Variants in PRR16 observed in about 807,000 individuals in gnomAD.
PRR16 encodes protein Largen.
A neutral mutation model predicts 18.2 loss-of-function variants in PRR16; 6 were observed. The observed-to-expected ratio is 0.33, with a 90% CI of 0.18 to 0.65. The LOEUF (loss-of-function observed/expected upper bound fraction) is 0.65, where lower values mean the gene tolerates loss of function less well. PRR16 is among the 30% of genes least tolerant of loss of function. PRR16 has a pLI of 0.74. For missense variants in PRR16, 412 were observed against 376.6 expected (o/e 1.09, Z -0.78); for synonymous variants, 151 against 147.8 (o/e 1.02, Z -0.16).
At chr5:120,644,940 A>G (rs542584979) in intron 1 of PRR16, among the ~76,000 whole-genome samples, 1 of 152,256 alleles carries the variant, frequency 6.6e-6, no homozygotes, top group East Asian at 1.9e-4. Flanking sequence ...CATCTCTGCA[A>G]CTAATTCGTC....
intron 1 of PRR16, among the ~76,000 whole-genome samples, chr5:120,603,412 C>A (rs979945260): frequency 2.6e-5 from 4 of 152,114 alleles, no homozygotes; most frequent in Non-Finnish European, 5.9e-5. Context: ...TTAATGTCAC[C>A]TTTGCCATTT....
chr5:120,661,709 C>T (rs1179296939), intron 1 of PRR16, among the ~76,000 whole-genome samples: 1 of 151,998 alleles, frequency 6.6e-6, no homozygotes, highest in Non-Finnish European at 1.5e-5. Flanking sequence ...CCTCTGCCAG[C>T]TGCTATATGG....
At chr5:120,768,748 G>C in the PRR16 span, among the ~76,000 whole-genome samples, 1 of 151,702 alleles carries the variant, frequency 6.6e-6, no homozygotes, top group African/African-American at 2.4e-5. Flanking sequence ...TTTGAAAGGA[G>C]CACATATCTG....
intron 1 of PRR16, among the ~76,000 whole-genome samples, chr5:120,594,028 A>G (rs1181429062): frequency 1.3e-5 from 2 of 152,120 alleles, no homozygotes; most frequent in East Asian, 1.9e-4. Context: ...ACTTATGACA[A>G]ACCCACAGCT....
chr5:120,734,739 GTTACTA>G, the PRR16 span, among the ~76,000 whole-genome samples: 1 of 152,106 alleles, frequency 6.6e-6, no homozygotes, highest in African/African-American at 2.4e-5. Flanking sequence ...CTTTGTGCCT[GTTACTA>G]TTAATATGAA....
the PRR16 span, among the ~76,000 whole-genome samples, chr5:120,698,983 G>A: frequency 6.6e-6 from 1 of 152,140 alleles, no homozygotes; most frequent in African/African-American, 2.4e-5. Flanking sequence ...GGGAAGAAAT[G>A]ACTGTGGTGG....
chr5:120,668,347 T>C (rs1756469545), intron 1 of PRR16, among the ~76,000 whole-genome samples: 1 of 150,828 alleles, frequency 6.6e-6, no homozygotes, highest in African/African-American at 2.4e-5. Context: ...CCTATGTGTG[T>C]CTCTGCATGT....
At chr5:120,614,633 A>T (rs1334492747) in intron 1 of PRR16, among the ~76,000 whole-genome samples, 1 of 152,208 alleles carries the variant, frequency 6.6e-6, no homozygotes, top group Non-Finnish European at 1.5e-5. Flanking sequence ...GGAACAAAAG[A>T]AGGAATTGTT....
chr5:120,767,109 A>G, the PRR16 span, among the ~76,000 whole-genome samples: 9 of 151,958 alleles, frequency 5.9e-5, no homozygotes, highest in South Asian at 2.1e-4. Context: ...TCACAACTGG[A>G]TAACAACATT....
At chr5:120,489,837 G>A (rs1749960517) in intron 1 of PRR16, among the ~76,000 whole-genome samples, 1 of 152,052 alleles carries the variant, frequency 6.6e-6, no homozygotes, top group Admixed American at 6.6e-5. Context: ...GCTCTTTTAG[G>A]GCAGGCCTGG....
the PRR16 span, among the ~76,000 whole-genome samples, chr5:120,693,942 T>C: frequency 1.3e-5 from 2 of 152,338 alleles, no homozygotes; most frequent in Admixed American, 1.3e-4. Context: ...TTACATGGTT[T>C]CACACATTTT....
chr5:120,586,074 G>A (rs1456918098), intron 1 of PRR16, among the ~76,000 whole-genome samples: 1 of 151,914 alleles, frequency 6.6e-6, no homozygotes, highest in African/African-American at 2.4e-5. Context: ...TCAGGAGACT[G>A]AGACAGGAGA....
intron 1 of PRR16, among the ~76,000 whole-genome samples, chr5:120,629,705 T>A (rs1462765459): frequency 2.0e-5 from 3 of 152,014 alleles, no homozygotes; most frequent in Non-Finnish European, 4.4e-5. Flanking sequence ...ATACAACCTT[T>A]AGTTCTTTCA....
chr5:120,601,536 G>A (rs1753982335), intron 1 of PRR16, among the ~76,000 whole-genome samples: 1 of 151,910 alleles, frequency 6.6e-6, no homozygotes, highest in African/African-American at 2.4e-5. Flanking sequence ...TCTGTTGATA[G>A]TTTCTTTGCT....
At chr5:120,625,100 A>T (rs1024408954) in intron 1 of PRR16, among the ~76,000 whole-genome samples, 4 of 152,164 alleles carry the variant, frequency 2.6e-5, no homozygotes, top group Admixed American at 1.3e-4. Context: ...ATGGACTAAT[A>T]CAGCTACATA....
At chr5:120,728,721 A>C in the PRR16 span, among the ~76,000 whole-genome samples, 3 of 152,136 alleles carry the variant, frequency 2.0e-5, no homozygotes, top group African/African-American at 7.2e-5. Context: ...TCTGGGCAGG[A>C]GTAACCTGCA....
intron 1 of PRR16, among the ~76,000 whole-genome samples, chr5:120,521,246 GTT>G (rs569579802): frequency 3.3e-5 from 5 of 151,772 alleles, no homozygotes; most frequent in East Asian, 1.9e-4. Flanking sequence ...TTTTGTGTGT[GTT>G]TTTTTTTAAT....
chr5:120,614,799 A>G (rs979029261), intron 1 of PRR16, among the ~76,000 whole-genome samples: 4 of 152,216 alleles, frequency 2.6e-5, no homozygotes, highest in African/African-American at 9.6e-5. Flanking sequence ...AGTAGTGGCA[A>G]TTATGAAGCT....
intron 1 of PRR16, among the ~76,000 whole-genome samples, chr5:120,549,199 G>A (rs1222464006): frequency 1.3e-5 from 2 of 151,970 alleles, no homozygotes; most frequent in Non-Finnish European, 2.9e-5. Flanking sequence ...GGGTTCAAGT[G>A]ATCCTCCTGC....
Sources: allele counts gnomAD v4.1 joint callset (sites outside exome capture counted in the v4.1 genomes callset), GRCh38; gene constraint gnomAD v4.1.1; transcripts MANE v1.5; gene names NCBI Gene and HGNC (gene_info 2026-07-23, HGNC 2026-07-21).